Variants in LRBA observed in about 807,000 individuals in gnomAD.
LRBA encodes lipopolysaccharide-responsive and beige-like anchor protein.
LRBA carries 176 observed loss-of-function variants against 330.0 expected under a neutral mutation model. That is an observed-to-expected ratio of 0.53 (90% CI 0.47 to 0.60). The LOEUF is 0.60. Ranked by LOEUF, LRBA falls within the 20% of genes least tolerant of loss-of-function variation. The pLI is 0.00. For missense variants in LRBA, 3,259 were observed against 3,444.8 expected (o/e 0.95, Z 1.35); for synonymous variants, 1,230 against 1,193.0 (o/e 1.03, Z -0.64).
chr4:150,988,041 CTCT>C (rs2149619699), intron 2 of LRBA, among the ~76,000 whole-genome samples: 1 of 148,198 alleles, frequency 6.7e-6, no homozygotes, highest in East Asian at 2.0e-4. Context: ...TTATTGAAAA[CTCT>C]TCTTATAATA....
intron 37 of LRBA, among the ~76,000 whole-genome samples, chr4:150,629,903 G>A (rs935285372): frequency 2.0e-5 from 3 of 152,254 alleles, no homozygotes; most frequent in Admixed American, 6.5e-5. Context: ...CCCTGGAGGC[G>A]GAGGTTGCAG....
At chr4:150,887,666 G>A (rs1456690695) in intron 17 of LRBA, among the ~76,000 whole-genome samples, 3 of 151,086 alleles carry the variant, frequency 2.0e-5, no homozygotes, top group East Asian at 3.9e-4. Flanking sequence ...CTACTCAGGA[G>A]GCTGAGGCAG....
At chr4:150,489,308 ATAAGAATATATAAAATATAT>A (rs1259867040) in intron 41 of LRBA, among the ~76,000 whole-genome samples, 2 of 59,036 alleles carry the variant, frequency 3.4e-5, no homozygotes, top group African/African-American at 1.4e-4. Flanking sequence ...TATATTATAT[ATAAGAATATATAAAATATAT>A]TACATATAAG....
intron 34 of LRBA, among the ~76,000 whole-genome samples, chr4:150,778,379 A>T (rs1365669196): frequency 6.6e-6 from 1 of 152,192 alleles, no homozygotes; most frequent in East Asian, 1.9e-4. Context: ...AAATATCTTA[A>T]ACTCCAAAAA....
intron 47 of LRBA, among the ~76,000 whole-genome samples, chr4:150,385,375 A>G (rs1742911125): frequency 6.6e-6 from 1 of 152,176 alleles, no homozygotes; most frequent in South Asian, 2.1e-4. Flanking sequence ...CATAAAAAAT[A>G]AACTCGTTTT....
intron 49 of LRBA, among the ~76,000 whole-genome samples, chr4:150,324,218 A>G (rs573353850): frequency 4.6e-5 from 7 of 152,312 alleles, no homozygotes; most frequent in South Asian, 4.1e-4. Context: ...CAGAAAGTCA[A>G]TGGAGCAGAG....
chr4:150,434,219 CATT>C (rs1750797764), intron 46 of LRBA, among the ~76,000 whole-genome samples: 1 of 152,024 alleles, frequency 6.6e-6, no homozygotes, highest in Non-Finnish European at 1.5e-5. Flanking sequence ...AGGGATATCT[CATT>C]ATACTTAATA....
At chr4:150,830,658 C>T (rs1171530866) in intron 29 of LRBA, among the ~76,000 whole-genome samples, 1 of 151,600 alleles carries the variant, frequency 6.6e-6, no homozygotes, top group Non-Finnish European at 1.5e-5. Context: ...GGTCTTAGGA[C>T]ACTAAGTGCA....
chr4:150,624,952 C>T (rs1306676125), intron 37 of LRBA, among the ~76,000 whole-genome samples: 2 of 152,166 alleles, frequency 1.3e-5, no homozygotes, highest in Non-Finnish European at 2.9e-5. Flanking sequence ...GAAAGAAACA[C>T]TCATTTTATA....
At chr4:150,922,868 G>C (rs1733457053) in intron 4 of LRBA, among the ~76,000 whole-genome samples, 5 of 152,154 alleles carry the variant, frequency 3.3e-5, no homozygotes, top group Admixed American at 3.3e-4. Flanking sequence ...GTATTATTAT[G>C]ATTATCCGCA....
chr4:150,331,478 TC>T (rs1002755000), intron 48 of LRBA, among the ~76,000 whole-genome samples: 1 of 152,148 alleles, frequency 6.6e-6, no homozygotes, highest in African/African-American at 2.4e-5. Flanking sequence ...GGATAATGAA[TC>T]CCCACATATC....
intron 30 of LRBA, among the ~76,000 whole-genome samples, chr4:150,823,504 G>A (rs1221854467): frequency 6.6e-6 from 1 of 152,090 alleles, no homozygotes; most frequent in Non-Finnish European, 1.5e-5. Context: ...TTGACTGCCT[G>A]TGCTTTTGGG....
At chr4:150,882,354 T>G (rs1163445093) in intron 17 of LRBA, among the ~76,000 whole-genome samples, 1 of 152,318 alleles carries the variant, frequency 6.6e-6, no homozygotes, top group Non-Finnish European at 1.5e-5. Flanking sequence ...ACCATAGTTT[T>G]GTTCTTATTT....
chr4:150,336,315 C>G (rs1211457620), intron 48 of LRBA, among the ~76,000 whole-genome samples: 2 of 152,142 alleles, frequency 1.3e-5, no homozygotes, highest in Non-Finnish European at 2.9e-5. Context: ...ATTGAGTTTA[C>G]TTTTTTAACT....
At chr4:150,773,577 C>T (rs762385084) in intron 34 of LRBA, among the ~76,000 whole-genome samples, 2 of 152,214 alleles carry the variant, frequency 1.3e-5, no homozygotes, top group Non-Finnish European at 2.9e-5. Flanking sequence ...ATTACCACAC[C>T]TGTGTCAAAT....
At chr4:150,794,382 T>C (rs1578803171) in intron 34 of LRBA, among the ~76,000 whole-genome samples, 1 of 151,902 alleles carries the variant, frequency 6.6e-6, no homozygotes, top group East Asian at 1.9e-4. Flanking sequence ...AGAATATTAA[T>C]ATCATATATT....
chr4:150,583,805 A>T lies in LRBA; in HGVS notation c.6330+4243T>A. On this transcript the variant is annotated intron_variant, in intron 40 of 56. Coordinates refer to ENST00000651943, the MANE Select transcript of LRBA (RefSeq NM_001364905.1). This position sits in a 1 kb window ranked among gnomAD's most constrained non-coding sequence, Gnocchi z 9.8. Reference sequence around the variant, plus strand: ...CTCTCAGTGCTGAAGACTCTGCGGGACCGCCACCTGGAGCTACCCGGCCAG... The same window carrying T: ...CTCTCAGTGCTGAAGACTCTGCGGGTCCGCCACCTGGAGCTACCCGGCCAG... 1 of 1,614,092 alleles carries T rather than the reference A, an allele frequency of 6.2e-7. No individual in the cohort carries two copies. Among genetic ancestry groups the T allele is most frequent in the Non-Finnish European group, 8.5e-7 (1 of 1,180,000 alleles).
At chr4:150,764,385 C>T (rs1428791864) in intron 34 of LRBA, among the ~76,000 whole-genome samples, 1 of 151,842 alleles carries the variant, frequency 6.6e-6, no homozygotes, top group Non-Finnish European at 1.5e-5. Context: ...ACATAATCAT[C>T]TATATAGAAA....
chr4:150,294,621 T>C (rs1728725979), intron 53 of LRBA, among the ~76,000 whole-genome samples: 1 of 152,194 alleles, frequency 6.6e-6, no homozygotes, highest in Non-Finnish European at 1.5e-5. Context: ...GGATGGTGCC[T>C]GGCATGTAGT....
Sources: allele counts gnomAD v4.1 joint callset (sites outside exome capture counted in the v4.1 genomes callset), GRCh38; gene constraint gnomAD v4.1.1; non-coding constraint Gnocchi (gnomAD v3.1); transcripts MANE v1.5; gene names NCBI Gene and HGNC (gene_info 2026-07-23, HGNC 2026-07-21).